PCDH15: variants seen among roughly 807,000 people sequenced by gnomAD.
PCDH15 encodes protocadherin related 15, also known as protocadherin-15.
PCDH15 carries 129 observed loss-of-function variants against 178.5 expected under a neutral mutation model. The ratio of observed to expected loss-of-function variants is 0.72; its 90% CI spans 0.63 to 0.84. The LOEUF (loss-of-function observed/expected upper bound fraction) is 0.84. PCDH15 is among the 40% of genes least tolerant of loss of function. The pLI, the probability that PCDH15 is intolerant of heterozygous loss-of-function variation, is 0.00. For missense variants in PCDH15, 2,230 were observed against 2,099.9 expected, an observed-to-expected ratio of 1.06 and a Z score of -1.21; for synonymous variants, 800 against 732.0, an observed-to-expected ratio of 1.09 and a Z score of -1.50.
intron 2 of PCDH15, among the ~76,000 whole-genome samples, chr10:54,928,504 T>C (rs1837685745): frequency 6.6e-6 from 1 of 152,182 alleles, no homozygotes; most frequent in African/African-American, 2.4e-5. Flanking sequence ...ATTGAAGATG[T>C]TCTCATAGAT....
intron 21 of PCDH15, among the ~76,000 whole-genome samples, chr10:53,990,551 A>ATATGT (rs1402599622): frequency 9.8e-4 from 146 of 148,358 alleles, no homozygotes; most frequent in South Asian, 1.7e-3. Context: ...TATATGTTAT[A>ATATGT]TATATAAAGA....
rs184685904 is a variant in PCDH15, at chr10:54,780,449, G to A, written c.-29+20476C>T. On this transcript the variant is annotated intron_variant, in intron 1 of 37. Transcript: ENST00000644397. ...GGAGAACTGTTTGTTCTCAAGAGGA[G>A]ACGTGAAACCCGAAATATCTCCCTT... is the stretch of plus-strand genomic sequence containing the variant. 3.3e-3 allele frequency among the ~76,000 whole-genome samples: 500 copies of A among 152,266 alleles called. 3 individuals are homozygous for A. Among genetic ancestry groups the A allele is most frequent in the African/African-American group, 0.012 (480 of 41,566 alleles).
At chr10:55,150,084 GGGAGGAAAAGAT>G (rs1301719418) in intron 2 of PCDH15, among the ~76,000 whole-genome samples, 3 of 33,762 alleles carry the variant, frequency 8.9e-5, no homozygotes, top group Non-Finnish European at 1.6e-4. Context: ...GGGAGGGGAG[GGGAGGAAAAGAT>G]AGAAGACGAG....
chr10:54,087,911 C>T (rs1027692588), intron 16 of PCDH15, among the ~76,000 whole-genome samples: 4 of 152,092 alleles, frequency 2.6e-5, no homozygotes, highest in Non-Finnish European at 4.4e-5. Flanking sequence ...TTTAAAAGTG[C>T]GTGGCACTTC....
At chr10:54,774,830 C>A (rs975435025) in intron 1 of PCDH15, among the ~76,000 whole-genome samples, 6 of 152,088 alleles carry the variant, frequency 3.9e-5, no homozygotes, top group Non-Finnish European at 8.8e-5. Context: ...CAGTACCTGA[C>A]ATTTACTCCT....
chr10:55,507,008 T>C (rs542965266), intron 2 of PCDH15, among the ~76,000 whole-genome samples: 7 of 151,584 alleles, frequency 4.6e-5, no homozygotes, highest in African/African-American at 1.7e-4. Flanking sequence ...AGATTATATA[T>C]AGGTATATAC....
chr10:55,202,180 G>A (rs1306981237), intron 1 of PCDH15, among the ~76,000 whole-genome samples: 1 of 152,058 alleles, frequency 6.6e-6, no homozygotes, highest in Non-Finnish European at 1.5e-5. Flanking sequence ...ATTACCAGGG[G>A]CTGCTGTGGC....
At chr10:54,461,290 C>A (rs908313358) in intron 3 of PCDH15, among the ~76,000 whole-genome samples, 5 of 152,096 alleles carry the variant, frequency 3.3e-5, no homozygotes, top group African/African-American at 1.2e-4. Context: ...CTCAGAAAAT[C>A]ATTTATGCAC....
chr10:55,148,133 C>T (rs1408819727), intron 2 of PCDH15, among the ~76,000 whole-genome samples: 1 of 151,652 alleles, frequency 6.6e-6, no homozygotes, highest in Non-Finnish European at 1.5e-5. Context: ...TCTACTTCCA[C>T]TATCACATAG....
At position 55,228,912 on chromosome 10, in the gene PCDH15, A is replaced by G. The variant is rs573691973; in HGVS notation, c.-155-62261T>C. Among the ~76,000 whole-genome samples the G allele has an allele frequency of 1.1e-4, 16 of 152,080 alleles. No individual in the cohort carries two copies. The South Asian group carries it at 3.3e-3, about 31-fold the overall frequency. ...CCTTAATAATTTCTTGTTAGTTTTA[A>G]TGATTAGCTAAGCTCATGAGCATTA... is the stretch of plus-strand genomic sequence containing the variant. On this transcript the variant is annotated intron_variant, in intron 1 of 5. Transcript: ENST00000458638.
chr10:55,626,840 C>T (rs1837539546), intron 2 of PCDH15, among the ~76,000 whole-genome samples: 1 of 152,106 alleles, frequency 6.6e-6, no homozygotes, highest in Non-Finnish European at 1.5e-5. Context: ...TAAATAAAAA[C>T]TTTAGGCAAG....
At chr10:54,921,997 T>C (rs1291571144) in intron 2 of PCDH15, among the ~76,000 whole-genome samples, 1 of 152,156 alleles carries the variant, frequency 6.6e-6, no homozygotes, top group African/African-American at 2.4e-5. Flanking sequence ...TCACTCACTA[T>C]CATGAGATGA....
At chr10:54,359,213 A>T (rs1380543360) in intron 5 of PCDH15, among the ~76,000 whole-genome samples, 1 of 152,062 alleles carries the variant, frequency 6.6e-6, no homozygotes, top group Non-Finnish European at 1.5e-5. Context: ...TTGGTTCTCT[A>T]TATATGTACA....
chr10:55,292,664 G>C (rs1843036409), intron 1 of PCDH15, among the ~76,000 whole-genome samples: 1 of 152,300 alleles, frequency 6.6e-6, no homozygotes, highest in South Asian at 2.1e-4. Context: ...TTAGAGGTGT[G>C]AGCCACCACA....
intron 2 of PCDH15, among the ~76,000 whole-genome samples, chr10:54,644,797 G>C (rs868584908): frequency 1.6e-4 from 25 of 152,116 alleles, no homozygotes; most frequent in African/African-American, 5.8e-4. Context: ...AAGAGGTTGG[G>C]CCCTTAGGAG....
chr10:55,152,483 T>C (rs926396593), intron 2 of PCDH15, among the ~76,000 whole-genome samples: 2 of 152,108 alleles, frequency 1.3e-5, no homozygotes, highest in Non-Finnish European at 2.9e-5. Context: ...GGCAGATAAA[T>C]TGGAGAATAT....
At chr10:55,452,243 C>T (rs959801777) in intron 2 of PCDH15, among the ~76,000 whole-genome samples, 3 of 151,796 alleles carry the variant, frequency 2.0e-5, no homozygotes, top group Non-Finnish European at 4.4e-5. Flanking sequence ...AAACCAAAGA[C>T]GAGTGTAAAT....
chr10:55,396,082 T>C (rs1837922382), intron 2 of PCDH15, among the ~76,000 whole-genome samples: 1 of 152,158 alleles, frequency 6.6e-6, no homozygotes, highest in African/African-American at 2.4e-5. Context: ...TAGAATAAAA[T>C]TCTAAGGAAA....
intron 2 of PCDH15, among the ~76,000 whole-genome samples, chr10:55,468,144 A>G (rs1589055067): frequency 6.6e-6 from 1 of 152,064 alleles, no homozygotes; most frequent in Non-Finnish European, 1.5e-5. Context: ...AGGGGGGAAA[A>G]GTTAGTGACA....
Sources: allele counts gnomAD v4.1 joint callset (sites outside exome capture counted in the v4.1 genomes callset), GRCh38; gene constraint gnomAD v4.1.1; transcripts MANE v1.5; gene names NCBI Gene and HGNC (gene_info 2026-07-23, HGNC 2026-07-21).